HS3ST4: variants seen among roughly 807,000 people sequenced by gnomAD.
HS3ST4 encodes the protein heparan sulfate-glucosamine 3-sulfotransferase 4, also known as heparan sulfate glucosamine 3-O-sulfotransferase 4.
In HS3ST4, 17 loss-of-function variants were observed where a neutral mutation model predicts 29.2. The observed-to-expected ratio is 0.58, with a 90% CI of 0.40 to 0.87. The LOEUF is 0.87. Among genes scored for constraint, HS3ST4 ranks in the 40% least tolerant of loss-of-function variants. HS3ST4 has a pLI of 0.00. For missense variants in HS3ST4, 627 were observed against 634.5 expected (o/e 0.99, Z 0.13); for synonymous variants, 314 against 285.7 (o/e 1.10, Z -1.00).
In HS3ST4 at chr16:25,821,915, C is replaced by G. The variant is rs916811816; in HGVS notation, c.734+128764C>G. 1.2e-4 allele frequency among the ~76,000 whole-genome samples: 18 copies of G among 152,304 alleles called. No homozygotes were observed. The East Asian group carries it at 2.5e-3, about 21-fold the overall frequency. ...TCTCTTAAAGAAAAAAAAAGGTTTT[C>G]TCTTCTTGGCAGTCACAGCAGTGGA... On this transcript the variant is annotated intron_variant, in intron 1 of 1. Transcript: ENST00000331351.
chr16:25,694,547 G>A (rs907300650), intron 1 of HS3ST4, among the ~76,000 whole-genome samples: 3 of 152,220 alleles, frequency 2.0e-5, no homozygotes, highest in African/African-American at 7.2e-5. Context: ...ACATAAAACA[G>A]CAAATGCCTA....
intron 1 of HS3ST4, among the ~76,000 whole-genome samples, chr16:25,978,790 C>T (rs1271936398): frequency 6.6e-6 from 1 of 152,118 alleles, no homozygotes; most frequent in Non-Finnish European, 1.5e-5. Flanking sequence ...CAGAGAAAGG[C>T]AGAAAAACCA....
At chr16:25,767,600 G>C (rs936638431) in intron 1 of HS3ST4, among the ~76,000 whole-genome samples, 1 of 152,062 alleles carries the variant, frequency 6.6e-6, no homozygotes, top group Admixed American at 6.5e-5. Context: ...TCACAGTGTG[G>C]GCCAAGCCAA....
At chr16:25,722,104 A>G (rs1431499301) in intron 1 of HS3ST4, among the ~76,000 whole-genome samples, 1 of 152,210 alleles carries the variant, frequency 6.6e-6, no homozygotes, top group African/African-American at 2.4e-5. Context: ...TCCATTTGTT[A>G]GATAACTGCC....
Position 25,746,571 on chromosome 16 carries a change from A to T in HS3ST4, c.734+53420A>T, listed in dbSNP as rs1373628270. Among the ~76,000 whole-genome samples the T allele has an allele frequency of 4.5e-5, 6 of 131,926 alleles. No individual in the cohort carries two copies. The East Asian group carries it at 1.4e-3, about 30-fold the overall frequency. The allele number at this position is 131,926 out of a possible 152,430, so 86.5% of individuals were successfully genotyped here. On this transcript the variant is annotated intron_variant, in intron 1 of 1. Coordinates refer to ENST00000331351, the MANE Select transcript of HS3ST4 (RefSeq NM_006040.3). ...AATTGGTTGGTTTTTTTTTTTTTTT[A>T]GACGGAGTCTCACCTTGTCTCCCAG...
intron 1 of HS3ST4, among the ~76,000 whole-genome samples, chr16:25,875,341 G>T (rs1967819159): frequency 6.6e-6 from 1 of 152,102 alleles, no homozygotes; most frequent in African/African-American, 2.4e-5. Context: ...GTGTGGCACT[G>T]GTCATTCGCG....
chr16:25,849,261 AATATAC>A (rs1248565584), intron 1 of HS3ST4, among the ~76,000 whole-genome samples: 5 of 152,212 alleles, frequency 3.3e-5, no homozygotes, highest in African/African-American at 1.2e-4. Context: ...TCTGGGTACA[AATATAC>A]ATATACATGC....
chr16:25,746,368 C>G (rs1183932765), intron 1 of HS3ST4, among the ~76,000 whole-genome samples: 1 of 152,076 alleles, frequency 6.6e-6, no homozygotes, highest in South Asian at 2.1e-4. Flanking sequence ...TTTTTCCAAA[C>G]AAATAATGGG....
intron 1 of HS3ST4, among the ~76,000 whole-genome samples, chr16:26,040,108 T>G (rs938151423): frequency 6.6e-6 from 1 of 152,190 alleles, no homozygotes; most frequent in Non-Finnish European, 1.5e-5. Context: ...TTTCCAGTGT[T>G]TTTACTGTCT....
chr16:25,761,034 C>T (rs2141606289), intron 1 of HS3ST4, among the ~76,000 whole-genome samples: 1 of 152,236 alleles, frequency 6.6e-6, no homozygotes, highest in South Asian at 2.1e-4. Context: ...TTGCAGCTTG[C>T]CAGGGTGAAT....
intron 1 of HS3ST4, among the ~76,000 whole-genome samples, chr16:26,095,988 C>A (rs960441340): frequency 6.6e-6 from 1 of 152,130 alleles, no homozygotes; most frequent in African/African-American, 2.4e-5. Context: ...ACTATAAACG[C>A]CTCTATGCAA....
At chr16:25,826,534 A>T (rs1240154578) in intron 1 of HS3ST4, among the ~76,000 whole-genome samples, 1 of 152,196 alleles carries the variant, frequency 6.6e-6, no homozygotes, top group African/African-American at 2.4e-5. Flanking sequence ...GAAATCAAGG[A>T]TATCAAGGAA....
chr16:26,097,555 T>C (rs1027358324), intron 1 of HS3ST4, among the ~76,000 whole-genome samples: 16 of 152,228 alleles, frequency 1.1e-4, no homozygotes, highest in African/African-American at 3.9e-4. Context: ...ACTGGATCCC[T>C]TCCTTACACC....
intron 1 of HS3ST4, among the ~76,000 whole-genome samples, chr16:25,787,310 T>C (rs1966859134): frequency 6.6e-6 from 1 of 152,232 alleles, no homozygotes; most frequent in African/African-American, 2.4e-5. Context: ...AATACGAGAA[T>C]GTATGCTCAA....
intron 1 of HS3ST4, among the ~76,000 whole-genome samples, chr16:26,126,432 A>C (rs1899344112): frequency 6.6e-6 from 1 of 152,228 alleles, no homozygotes; most frequent in South Asian, 2.1e-4. Flanking sequence ...CAGTACACAC[A>C]TGAACTCATT....
intron 1 of HS3ST4, among the ~76,000 whole-genome samples, chr16:25,951,208 C>T (rs1398342729): frequency 6.6e-6 from 1 of 152,176 alleles, no homozygotes; most frequent in Non-Finnish European, 1.5e-5. Flanking sequence ...CTACATGAGG[C>T]CCCAAGCAAT....
intron 1 of HS3ST4, among the ~76,000 whole-genome samples, chr16:25,872,228 A>G (rs1431247101): frequency 1.3e-5 from 2 of 152,158 alleles, no homozygotes; most frequent in African/African-American, 2.4e-5. Context: ...GTTTTGCTGA[A>G]ATTATCCCTC....
chr16:26,130,273 C>A (rs879635848), intron 1 of HS3ST4, among the ~76,000 whole-genome samples: 37 of 152,258 alleles, frequency 2.4e-4, no homozygotes, highest in South Asian at 1.5e-3. Flanking sequence ...GTTTTCTCAC[C>A]ATATGGTTCA....
In HS3ST4 at chr16:26,133,366, CATGGGT is replaced by C. The variant is rs1899444687; in HGVS notation, c.735-2244_735-2239del. Among the ~76,000 whole-genome samples the C allele has an allele frequency of 2.0e-5, 3 of 152,292 alleles. No individual in the cohort carries two copies. The South Asian group carries it at 6.2e-4, about 32-fold the overall frequency. ...GGGTTAAGTAACTTCATCAAGGTAG[CATGGGT>C]AATCAGAACTCTTAATTCAGGCAAA... On this transcript the variant is annotated intron_variant, in intron 1 of 1. Transcript: ENST00000331351.
Sources: gnomAD v4.1 joint callset for allele counts (sites outside exome capture counted in the v4.1 genomes callset) on GRCh38, gnomAD v4.1.1 for gene constraint, MANE v1.5 for transcripts, NCBI Gene and HGNC (gene_info 2026-07-23, HGNC 2026-07-21) for gene names.